TENM3: variants seen among roughly 807,000 people sequenced by gnomAD.
TENM3 encodes the protein teneurin transmembrane protein 3, also known as teneurin-3.
A neutral mutation model predicts 255.1 loss-of-function variants in TENM3; 63 were observed. That is an observed-to-expected ratio of 0.25 (90% CI 0.20 to 0.30). The LOEUF is 0.30. Ranked by LOEUF, TENM3 falls within the 10% of genes least tolerant of loss-of-function variation. TENM3 has a pLI of 1.00. For missense variants in TENM3, 2,929 were observed against 3,461.1 expected, an observed-to-expected ratio of 0.85 and a Z score of 3.86; for synonymous variants, 1,306 against 1,322.3, an observed-to-expected ratio of 0.99 and a Z score of 0.27.
the TENM3 span, among the ~76,000 whole-genome samples, chr4:181,615,984 A>G: frequency 6.6e-6 from 1 of 152,128 alleles, no homozygotes; most frequent in African/African-American, 2.4e-5. Flanking sequence ...CATTTCCTAC[A>G]TTTGTTTTGT....
At chr4:181,977,213 A>G in the TENM3 span, among the ~76,000 whole-genome samples, 3 of 151,878 alleles carry the variant, frequency 2.0e-5, no homozygotes, top group Non-Finnish European at 4.4e-5. Context: ...CCCCCATAGG[A>G]TCGTTAAAAG....
chr4:181,480,464 C>T, the TENM3 span, among the ~76,000 whole-genome samples: 36 of 152,134 alleles, frequency 2.4e-4, no homozygotes, highest in African/African-American at 7.0e-4. Flanking sequence ...ACCAAACATA[C>T]GATTCAGTGT....
chr4:182,489,564 T>C (rs1470041465), intron 3 of TENM3, among the ~76,000 whole-genome samples: 1 of 152,162 alleles, frequency 6.6e-6, no homozygotes, highest in Non-Finnish European at 1.5e-5. Context: ...CCAACCTGTA[T>C]TGAGTTATAA....
At chr4:181,652,376 C>T in the TENM3 span, among the ~76,000 whole-genome samples, 6 of 151,418 alleles carry the variant, frequency 4.0e-5, no homozygotes, top group South Asian at 2.1e-4. Context: ...TCTTCCTCCT[C>T]GCCTACACTC....
the TENM3 span, among the ~76,000 whole-genome samples, chr4:182,095,014 A>C: frequency 5.3e-5 from 8 of 152,260 alleles, no homozygotes; most frequent in Non-Finnish European, 1.2e-4. Context: ...AGAGAAAGTG[A>C]CCAAAAGACA....
chr4:181,813,205 T>C, the TENM3 span, among the ~76,000 whole-genome samples: 1 of 152,116 alleles, frequency 6.6e-6, no homozygotes, highest in Non-Finnish European at 1.5e-5. Flanking sequence ...CTTTGAGTTC[T>C]CTCTTGTAAG....
intron 12 of TENM3, among the ~76,000 whole-genome samples, chr4:182,705,155 A>G (rs1758180383): frequency 1.3e-5 from 2 of 152,178 alleles, no homozygotes; most frequent in African/African-American, 4.8e-5. Flanking sequence ...GAATAAGTGG[A>G]TTTAATATGT....
At chr4:182,253,727 T>C (rs1255924124) in intron 1 of TENM3, among the ~76,000 whole-genome samples, 1 of 152,202 alleles carries the variant, frequency 6.6e-6, no homozygotes, top group Admixed American at 6.5e-5. Context: ...TGAAGCAAAC[T>C]TTTATCTTTT....
chr4:181,476,594 T>C, the TENM3 span, among the ~76,000 whole-genome samples: 1 of 152,174 alleles, frequency 6.6e-6, no homozygotes, highest in Admixed American at 6.5e-5. Context: ...CTGCACAGCA[T>C]GCAATAATCT....
At chr4:182,483,991 G>A (rs1310651655) in intron 3 of TENM3, among the ~76,000 whole-genome samples, 3 of 152,102 alleles carry the variant, frequency 2.0e-5, no homozygotes, top group Non-Finnish European at 4.4e-5. Context: ...AATTCTGCAT[G>A]AGATCTGTGT....
At chr4:181,927,117 GT>G in the TENM3 span, among the ~76,000 whole-genome samples, 3 of 152,268 alleles carry the variant, frequency 2.0e-5, no homozygotes, top group African/African-American at 7.2e-5. Flanking sequence ...AGCTGCAGGA[GT>G]TTTTTTCATA....
rs772163607 is a variant in TENM3 at position 182,737,060 on chromosome 4, C to G, written c.3220C>G (p.Leu1074Val). ...TGCATATAATCAGAAAGTCTATGGTCTATCTGAAGCTGTTGGTAAGTTCCA... is the reference window on the plus strand; with the variant it reads ...TGCATATAATCAGAAAGTCTATGGTGTATCTGAAGCTGTTGGTAAGTTCCA... ...TDAYNQKVYG[L>V]SEAVVSVGYE... The change falls in exon 17 of 28, where the codon CTA (leucine) becomes GTA (valine). Residue 1074 changes from leucine to valine, a missense_variant. Physicochemically the swap from Leu to Val is conservative, Grantham distance 32. Transcript: ENST00000511685. 5.6e-6 allele frequency: 9 copies of G among 1,612,650 alleles called. No homozygotes were observed. The South Asian group carries it at 9.9e-5, about 18-fold the overall frequency.
At chr4:182,741,729 T>C (rs182970457) in intron 18 of TENM3, among the ~76,000 whole-genome samples, 92 of 152,378 alleles carry the variant, frequency 6.0e-4, no homozygotes, top group African/African-American at 2.1e-3. Flanking sequence ...CTTATTTAGC[T>C]TATTTTTCTT....
chr4:181,961,952 A>G, the TENM3 span, among the ~76,000 whole-genome samples: 13 of 152,208 alleles, frequency 8.5e-5, no homozygotes, highest in Non-Finnish European at 1.9e-4. Flanking sequence ...TTTATTCACT[A>G]TAGGTGAAAA....
At chr4:182,202,322 T>TTTTTA (rs1754235696) in intron 1 of TENM3, among the ~76,000 whole-genome samples, 2 of 145,756 alleles carry the variant, frequency 1.4e-5, no homozygotes, top group African/African-American at 5.1e-5. Flanking sequence ...TTTTTTTTTT[T>TTTTTA]GAGATGGAGT....
intron 12 of TENM3, among the ~76,000 whole-genome samples, chr4:182,693,046 T>C (rs1198753836): frequency 6.6e-6 from 1 of 152,190 alleles, no homozygotes; most frequent in East Asian, 1.9e-4. Flanking sequence ...AACTTTTTGT[T>C]TTTCCTATGG....
At chr4:181,574,435 G>A in the TENM3 span, among the ~76,000 whole-genome samples, 2 of 151,836 alleles carry the variant, frequency 1.3e-5, no homozygotes, top group African/African-American at 4.8e-5. Context: ...GGAGGCTGAG[G>A]CAGGAGAATG....
the TENM3 span, among the ~76,000 whole-genome samples, chr4:181,620,698 T>C: frequency 2.8e-5 from 4 of 145,430 alleles, no homozygotes; most frequent in Admixed American, 2.7e-4. Context: ...AGGAAAGAAA[T>C]AGTTAATAGC....
the TENM3 span, among the ~76,000 whole-genome samples, chr4:181,503,946 G>A: frequency 6.6e-6 from 1 of 152,140 alleles, no homozygotes; most frequent in East Asian, 1.9e-4. Context: ...GTAGTATGCT[G>A]TTTATTTCTT....
Sources: allele counts gnomAD v4.1 joint callset (sites outside exome capture counted in the v4.1 genomes callset), GRCh38; gene constraint gnomAD v4.1.1; transcripts MANE v1.5; gene names NCBI Gene and HGNC (gene_info 2026-07-23, HGNC 2026-07-21).